Variants in SLIT3 observed in about 807,000 individuals in gnomAD.
The protein encoded by SLIT3 is slit guidance ligand 3.
In SLIT3, 68 loss-of-function variants were observed where a neutral mutation model predicts 184.0. That is an observed-to-expected ratio of 0.37 (90% CI 0.30 to 0.45). The LOEUF (loss-of-function observed/expected upper bound fraction) is 0.45, where lower values mean the gene tolerates loss of function less well. Ranked by LOEUF, SLIT3 falls within the 20% of genes least tolerant of loss-of-function variation. SLIT3 has a pLI of 1.00. For synonymous variants in SLIT3, 831 were observed against 828.6 expected (o/e 1.00, Z -0.05); for missense variants, 1,707 against 2,026.0 (o/e 0.84, Z 3.02).
intron 6 of SLIT3, among the ~76,000 whole-genome samples, chr5:168,842,188 G>C (rs1414358116): frequency 6.6e-6 from 1 of 152,184 alleles, no homozygotes; most frequent in African/African-American, 2.4e-5. Context: ...TCACCATTAA[G>C]ATGGATGGTT....
At chr5:169,211,907 T>C (rs956048369) in intron 3 of SLIT3, among the ~76,000 whole-genome samples, 16 of 152,222 alleles carry the variant, frequency 1.1e-4, no homozygotes, top group Non-Finnish European at 1.9e-4. Flanking sequence ...TGTTCTTATG[T>C]TAGTTTGCTG....
At chr5:168,774,405 T>C in intron 12 of SLIT3, 27 bp from the exon 13 acceptor site, 1 of 1,595,380 alleles carries the variant, frequency 6.3e-7, no homozygotes, top group Non-Finnish European at 8.5e-7. Flanking sequence ...GCCTGGTTGA[T>C]TCACTAATCC....
intron 4 of SLIT3, among the ~76,000 whole-genome samples, chr5:168,985,487 A>G (rs59597753): frequency 0.017 from 2,606 of 152,316 alleles, 32 homozygotes; most frequent in South Asian, 0.026. Flanking sequence ...CATGGGAACA[A>G]CTGAGTGGTT....
intron 4 of SLIT3, among the ~76,000 whole-genome samples, chr5:169,133,900 G>T (rs1198879625): frequency 1.3e-5 from 2 of 152,222 alleles, no homozygotes; most frequent in Admixed American, 6.5e-5. Flanking sequence ...CATAATTACT[G>T]TTCCGATGGA....
At chr5:168,686,900 T>TGGCCACCTTAGCCAGTCA in intron 30 of SLIT3, 79 bp downstream of exon 30, 1 of 1,558,028 alleles carries the variant, frequency 6.4e-7, no homozygotes, top group Non-Finnish European at 8.8e-7. Context: ...GTCTCCATTC[T>TGGCCACCTTAGCCAGTCA]GGCCACCTTA....
chr5:168,769,242 CTG>C (rs1443738806), intron 14 of SLIT3, among the ~76,000 whole-genome samples: 1 of 152,180 alleles, frequency 6.6e-6, no homozygotes, highest in Non-Finnish European at 1.5e-5. Context: ...ATATTCCTCT[CTG>C]TGATAGATCA....
At position 169,265,109 on chromosome 5, in the gene SLIT3, C is replaced by G. The variant is rs370488886; in HGVS notation, c.198-13650G>C. Among the ~76,000 whole-genome samples the G allele has an allele frequency of 2.0e-4, 31 of 152,228 alleles. No individual in the cohort carries two copies. In the South Asian group the frequency reaches 5.8e-3, roughly 29 times the overall value. The stretch of plus-strand genomic sequence containing the variant: ...GTCTCTTTTCCTTCATCCCTTGCAC[C>G]AGGAGGACTCCCTGCCCCTGTTTTG... On this transcript the variant is annotated intron_variant, in intron 1 of 35. Transcript: ENST00000519560.
chr5:169,269,465 T>C (rs1378188381), intron 1 of SLIT3, among the ~76,000 whole-genome samples: 2 of 152,248 alleles, frequency 1.3e-5, no homozygotes, highest in African/African-American at 4.8e-5. Flanking sequence ...GCAGATCCTC[T>C]GCACTCACCA....
At chr5:168,671,710 T>C (rs900050420) in intron 33 of SLIT3, among the ~76,000 whole-genome samples, 4 of 152,164 alleles carry the variant, frequency 2.6e-5, no homozygotes, top group Non-Finnish European at 5.9e-5. Context: ...CAATATGTAA[T>C]ATTAGAAAAT....
At chr5:168,719,333 T>G (rs1023909208) in intron 23 of SLIT3, among the ~76,000 whole-genome samples, 1 of 152,256 alleles carries the variant, frequency 6.6e-6, no homozygotes, top group Non-Finnish European at 1.5e-5. Context: ...ATTACAGGCG[T>G]GAGCCACCAT....
At chr5:168,670,603 C>A (rs532036331) in intron 34 of SLIT3, among the ~76,000 whole-genome samples, 1 of 152,338 alleles carries the variant, frequency 6.6e-6, no homozygotes, top group Admixed American at 6.5e-5. Context: ...AAGAGCAACA[C>A]AAGAAGCTCA....
At chr5:169,052,867 A>G (rs545430361) in intron 4 of SLIT3, among the ~76,000 whole-genome samples, 19 of 152,100 alleles carry the variant, frequency 1.2e-4, no homozygotes, top group African/African-American at 4.3e-4. Flanking sequence ...CCTGGGGAGC[A>G]CCCACCCTCC....
chr5:169,105,430 G>C (rs573815204), intron 4 of SLIT3, among the ~76,000 whole-genome samples: 17 of 152,180 alleles, frequency 1.1e-4, no homozygotes, highest in Admixed American at 1.1e-3. Context: ...CATGGAAAAA[G>C]CAGTTTTCAG....
chr5:168,743,660 A>T (rs536682593), intron 20 of SLIT3, among the ~76,000 whole-genome samples: 118 of 152,358 alleles, frequency 7.7e-4, no homozygotes, highest in African/African-American at 2.7e-3. Flanking sequence ...GATAGAAATG[A>T]TGAAGTTTAG....
At chr5:168,953,279 C>A (rs931676977) in intron 4 of SLIT3, among the ~76,000 whole-genome samples, 3 of 152,188 alleles carry the variant, frequency 2.0e-5, no homozygotes, top group Admixed American at 2.0e-4. Flanking sequence ...CATGCATTGA[C>A]TTAGCAGCTA....
rs1759675930 is a variant in SLIT3 at position 169,093,763 on chromosome 5, A to C, written c.413+99716T>G. On this transcript the variant is annotated intron_variant, in intron 4 of 35. Coordinates refer to ENST00000519560, the MANE Select transcript of SLIT3 (RefSeq NM_003062.4). The stretch of plus-strand genomic sequence containing the variant: ...ATGCTCCATTCATTCCTCACTCTCT[A>C]AAATAATACACAATTGATCAAGTGT... Among the ~76,000 whole-genome samples, 3 of 152,318 alleles carry C rather than the reference A, an allele frequency of 2.0e-5. 1 individual carries two copies. The highest frequency in any genetic ancestry group is 7.2e-5 in the African/African-American group (3 of 41,566).
At chr5:169,060,060 A>G (rs572005603) in intron 4 of SLIT3, among the ~76,000 whole-genome samples, 1 of 152,216 alleles carries the variant, frequency 6.6e-6, no homozygotes, top group Non-Finnish European at 1.5e-5. Flanking sequence ...ACCTGACCAC[A>G]CTGGCATCCT....
At position 168,687,103 on chromosome 5, in the gene SLIT3, G is replaced by A; in HGVS notation, c.3190C>T (p.Pro1064Ser). 1.2e-6 allele frequency: 2 copies of A among 1,614,004 alleles called. No individual in the cohort carries two copies. The highest frequency in any genetic ancestry group is 1.7e-6 in the Non-Finnish European group (2 of 1,179,830). Residue 1064 changes from proline to serine, a missense_variant, in exon 30 of 36, where the codon CCT becomes TCT. Pro to Ser is a moderately conservative substitution (Grantham distance 74). This residue lies in a region of SLIT3 where 1,307 missense variants were observed against 1,511.6 expected (regional missense o/e 0.86). Coordinates refer to ENST00000519560, the MANE Select transcript of SLIT3 (RefSeq NM_003062.4). ...TCACAGAGCTTCCCGCTGTAGCCAG[G>A]GACACACTCGCAGCTGGAACATAGG... ...LDKGFSCECV[P>S]GYSGKLCETD...
At chr5:168,920,499 C>T (rs1761599585) in intron 4 of SLIT3, among the ~76,000 whole-genome samples, 1 of 152,140 alleles carries the variant, frequency 6.6e-6, no homozygotes, top group African/African-American at 2.4e-5. Context: ...AATTATTCAC[C>T]AGCGAGACCA....
Sources: gnomAD v4.1 joint callset for allele counts (sites outside exome capture counted in the v4.1 genomes callset) on GRCh38, gnomAD v4.1.1 for gene constraint, gnomAD v4.1.1 regional missense constraint, MANE v1.5 for transcripts, NCBI Gene and HGNC (gene_info 2026-07-23, HGNC 2026-07-21) for gene names.